The following ERP44 variants were observed in gnomAD, a reference collection of about 807,000 sequenced individuals.
The protein encoded by ERP44 is endoplasmic reticulum protein 44.
A neutral mutation model predicts 53.4 loss-of-function variants in ERP44; 25 were observed. The observed-to-expected ratio is 0.47, with a 90% CI of 0.34 to 0.65. ERP44 has a LOEUF of 0.65. ERP44 is among the 30% of genes least tolerant of loss of function. ERP44 has a pLI of 0.01. For synonymous variants in ERP44, 145 were observed against 161.2 expected (o/e 0.90, Z 0.76); for missense variants, 338 against 493.2 (o/e 0.69, Z 2.98).
chr9:100,093,649 G>C (rs530396253), intron 1 of ERP44, among the ~76,000 whole-genome samples: 7 of 151,342 alleles, frequency 4.6e-5, no homozygotes, highest in African/African-American at 1.5e-4. Flanking sequence ...TCTGTGGGGG[G>C]GGAAAAAAAA....
intron 1 of ERP44, among the ~76,000 whole-genome samples, chr9:100,066,800 CAGG>C (rs746369988): frequency 1.3e-5 from 2 of 152,150 alleles, no homozygotes; most frequent in Non-Finnish European, 2.9e-5. Flanking sequence ...CTTCAAGGAG[CAGG>C]AGATGTTGAA....
At chr9:100,024,796 G>T (rs1306416311) in intron 4 of ERP44, among the ~76,000 whole-genome samples, 1 of 152,028 alleles carries the variant, frequency 6.6e-6, no homozygotes, top group Admixed American at 6.5e-5. Context: ...AATTTGAATT[G>T]GAAGTACTGG....
At chr9:100,058,869 T>A (rs183304918) in intron 2 of ERP44, among the ~76,000 whole-genome samples, 3 of 152,334 alleles carry the variant, frequency 2.0e-5, no homozygotes, top group Admixed American at 2.0e-4. Flanking sequence ...TTTCTTCCCT[T>A]TTTACCTTCA....
chr9:100,009,570 C>G (rs1279200751), intron 8 of ERP44, among the ~76,000 whole-genome samples: 1 of 152,028 alleles, frequency 6.6e-6, no homozygotes, highest in Non-Finnish European at 1.5e-5. Context: ...TTTCTTCCCC[C>G]ATCCATTAAC....
intron 10 of ERP44, among the ~76,000 whole-genome samples, chr9:99,986,150 TG>T (rs1485173682): frequency 1.3e-5 from 2 of 152,248 alleles, no homozygotes; most frequent in Admixed American, 1.3e-4. Context: ...GTAGGATTAC[TG>T]GGTTAACAAA....
intron 4 of ERP44, among the ~76,000 whole-genome samples, chr9:100,030,906 T>C (rs1230023565): frequency 6.6e-6 from 1 of 152,106 alleles, no homozygotes; most frequent in South Asian, 2.1e-4. Flanking sequence ...TTTCTCCCTT[T>C]CCTATCCTCT....
chr9:100,044,171 G>A (rs544540420), intron 4 of ERP44, among the ~76,000 whole-genome samples: 1 of 152,186 alleles, frequency 6.6e-6, no homozygotes, highest in East Asian at 1.9e-4. Context: ...TAACTGTAGT[G>A]CCTACAAAAC....
intron 4 of ERP44, among the ~76,000 whole-genome samples, chr9:100,047,685 G>A (rs993681247): frequency 1.4e-4 from 21 of 152,006 alleles, no homozygotes; most frequent in African/African-American, 4.8e-4. Flanking sequence ...ATTATATCTT[G>A]GATATAACAT....
chr9:100,012,631 A>G (rs1352743305), intron 8 of ERP44, among the ~76,000 whole-genome samples: 4 of 152,338 alleles, frequency 2.6e-5, no homozygotes, highest in African/African-American at 7.2e-5. Flanking sequence ...GAAAAGGTAT[A>G]CCAAAAATGT....
At chr9:100,062,098 C>A (rs1476573191) in intron 1 of ERP44, among the ~76,000 whole-genome samples, 1 of 152,112 alleles carries the variant, frequency 6.6e-6, no homozygotes, top group African/African-American at 2.4e-5. Context: ...ACAGAGATAC[C>A]AAGAAGAATC....
intron 1 of ERP44, among the ~76,000 whole-genome samples, chr9:100,081,273 T>A (rs769044356): frequency 6.6e-6 from 1 of 152,110 alleles, no homozygotes; most frequent in Admixed American, 6.5e-5. Flanking sequence ...AGCTGGGGGA[T>A]ACCCATCTTT....
At chr9:100,035,067 C>A (rs954406132) in intron 4 of ERP44, among the ~76,000 whole-genome samples, 3 of 152,120 alleles carry the variant, frequency 2.0e-5, no homozygotes, top group African/African-American at 7.2e-5. Context: ...ATATACAAAA[C>A]TTAAGTCAAG....
At chr9:100,027,397 A>G (rs1830664703) in intron 4 of ERP44, among the ~76,000 whole-genome samples, 1 of 152,244 alleles carries the variant, frequency 6.6e-6, no homozygotes, top group Admixed American at 6.5e-5. Flanking sequence ...TTAAGAAGCA[A>G]AAACCTTAAA....
At chr9:100,044,492 A>AC (rs1171010189) in intron 4 of ERP44, among the ~76,000 whole-genome samples, 1 of 152,174 alleles carries the variant, frequency 6.6e-6, no homozygotes, top group Non-Finnish European at 1.5e-5. Context: ...AAAACTCAGG[A>AC]CAACCACACA....
At chr9:100,069,216 G>C (rs1050485388) in intron 1 of ERP44, among the ~76,000 whole-genome samples, 6 of 150,798 alleles carry the variant, frequency 4.0e-5, no homozygotes, top group Non-Finnish European at 8.8e-5. Flanking sequence ...TTTATCTGCT[G>C]ACCCTCCCTC....
chr9:100,026,910 T>C (rs1369463158), intron 4 of ERP44, among the ~76,000 whole-genome samples: 1 of 152,292 alleles, frequency 6.6e-6, no homozygotes. Flanking sequence ...AGTATCAGTA[T>C]GAAAATGGAC....
chr9:99,998,519 C>T (rs1830340314), intron 10 of ERP44: 1 of 718,588 alleles, frequency 1.4e-6, no homozygotes, highest in Non-Finnish European at 2.6e-6. Context: ...GTCCCGGCTC[C>T]CCCATCTCTG....
At chr9:100,080,308 C>T (rs1826409274) in intron 1 of ERP44, among the ~76,000 whole-genome samples, 1 of 152,180 alleles carries the variant, frequency 6.6e-6, no homozygotes, top group Non-Finnish European at 1.5e-5. Flanking sequence ...GTTTTCCTTA[C>T]AGGACTGAAC....
At chr9:100,071,526 C>T (rs1201832512) in intron 1 of ERP44, among the ~76,000 whole-genome samples, 1 of 152,198 alleles carries the variant, frequency 6.6e-6, no homozygotes, top group Non-Finnish European at 1.5e-5. Context: ...AAGTAGAGTA[C>T]TGTACGTATT....
Sources: gnomAD v4.1 joint callset for allele counts (sites outside exome capture counted in the v4.1 genomes callset) on GRCh38, gnomAD v4.1.1 for gene constraint, MANE v1.5 for transcripts, NCBI Gene and HGNC (gene_info 2026-07-23, HGNC 2026-07-21) for gene names.